The following ZFPM2 variants were observed in gnomAD, a reference collection of about 807,000 sequenced individuals.
ZFPM2 encodes zinc finger protein, FOG family member 2.
A neutral mutation model predicts 98.6 loss-of-function variants in ZFPM2; 20 were observed. That is an observed-to-expected ratio of 0.20 (90% CI 0.14 to 0.29). The LOEUF is 0.29. Ranked by LOEUF, ZFPM2 falls within the 10% of genes least tolerant of loss-of-function variation. The pLI is 1.00. For missense variants in ZFPM2, 1,310 were observed against 1,388.6 expected, an observed-to-expected ratio of 0.94 and a Z score of 0.90; for synonymous variants, 518 against 502.7, an observed-to-expected ratio of 1.03 and a Z score of -0.41.
intron 5 of ZFPM2, among the ~76,000 whole-genome samples, chr8:105,703,778 A>G (rs575093557): frequency 7.2e-5 from 11 of 152,288 alleles, no homozygotes; most frequent in African/African-American, 2.4e-4. Flanking sequence ...TAGGAACACT[A>G]TCTTCATTGT....
At chr8:105,410,276 T>C (rs1183379864) in intron 1 of ZFPM2, among the ~76,000 whole-genome samples, 3 of 151,960 alleles carry the variant, frequency 2.0e-5, no homozygotes, top group Non-Finnish European at 4.4e-5. Context: ...TTCATTCATG[T>C]AACTGTATTG....
chr8:105,511,287 G>C (rs1222021091), intron 3 of ZFPM2, among the ~76,000 whole-genome samples: 1 of 152,210 alleles, frequency 6.6e-6, no homozygotes, highest in African/African-American at 2.4e-5. Context: ...TCTTCTCCCA[G>C]GAAAGATTCC....
At chr8:105,531,145 G>A (rs1470234263) in intron 3 of ZFPM2, among the ~76,000 whole-genome samples, 1 of 152,144 alleles carries the variant, frequency 6.6e-6, no homozygotes, top group Admixed American at 6.6e-5. Flanking sequence ...GAAGGTTGGT[G>A]AAGGATGTTA....
intron 3 of ZFPM2, among the ~76,000 whole-genome samples, chr8:105,540,748 C>G (rs895171522): frequency 6.6e-6 from 1 of 152,078 alleles, no homozygotes; most frequent in Non-Finnish European, 1.5e-5. Flanking sequence ...TGTCTCTCTT[C>G]TGTAGTTCTT....
chr8:105,671,344 A>C (rs1306065296), intron 5 of ZFPM2, among the ~76,000 whole-genome samples: 3 of 151,838 alleles, frequency 2.0e-5, no homozygotes, highest in Admixed American at 2.0e-4. Flanking sequence ...TTAAATAAAA[A>C]AATTAATTTT....
chr8:105,410,092 A>C (rs566692750), intron 1 of ZFPM2, among the ~76,000 whole-genome samples: 82 of 152,046 alleles, frequency 5.4e-4, no homozygotes, highest in African/African-American at 1.9e-3. Flanking sequence ...ATTATAAAAG[A>C]GAAATTGACC....
At chr8:105,712,198 G>A (rs143343988) in intron 5 of ZFPM2, among the ~76,000 whole-genome samples, 122 of 150,976 alleles carry the variant, frequency 8.1e-4, no homozygotes, top group African/African-American at 2.8e-3. Context: ...AAAGAGAGGA[G>A]AAGAAAGAAC....
At chr8:105,721,024 A>C (rs187523223) in intron 5 of ZFPM2, among the ~76,000 whole-genome samples, 4 of 151,986 alleles carry the variant, frequency 2.6e-5, no homozygotes, top group African/African-American at 9.6e-5. Context: ...CTAGAAAATC[A>C]TTCCTTTTTA....
At chr8:105,416,663 T>A (rs1811685285) in intron 1 of ZFPM2, among the ~76,000 whole-genome samples, 1 of 151,908 alleles carries the variant, frequency 6.6e-6, no homozygotes, top group African/African-American at 2.4e-5. Context: ...TAACTGCTAT[T>A]AAAAGCTACT....
At chr8:105,422,006 C>T (rs1349582768) in intron 2 of ZFPM2, among the ~76,000 whole-genome samples, 1 of 138,436 alleles carries the variant, frequency 7.2e-6, no homozygotes, top group Non-Finnish European at 1.5e-5. Context: ...GAGATCGCAC[C>T]ACCGCACTCT....
At chr8:105,659,923 G>T (rs1421239576) in intron 5 of ZFPM2, among the ~76,000 whole-genome samples, 1 of 152,028 alleles carries the variant, frequency 6.6e-6, no homozygotes, top group East Asian at 1.9e-4. Flanking sequence ...TCTTCATAAA[G>T]GTTAAGTAAC....
At chr8:105,625,065 T>G (rs1303493554) in intron 4 of ZFPM2, among the ~76,000 whole-genome samples, 2 of 152,178 alleles carry the variant, frequency 1.3e-5, no homozygotes, top group Non-Finnish European at 2.9e-5. Flanking sequence ...AAACTCTAAT[T>G]TAATGAAATC....
At chr8:105,653,741 T>C (rs180750011) in intron 5 of ZFPM2, among the ~76,000 whole-genome samples, 44 of 152,224 alleles carry the variant, frequency 2.9e-4, no homozygotes, top group Middle Eastern at 3.4e-3. Context: ...TGTGAATTTA[T>C]TTGCATGTTA....
At chr8:105,577,005 C>T (rs1586474463) in intron 4 of ZFPM2, among the ~76,000 whole-genome samples, 1 of 151,744 alleles carries the variant, frequency 6.6e-6, no homozygotes. Context: ...ATAATCATTT[C>T]CCTTATTTCA....
chr8:105,440,005 CAAG>C (rs751843546), intron 2 of ZFPM2, among the ~76,000 whole-genome samples: 1 of 152,080 alleles, frequency 6.6e-6, no homozygotes, highest in Non-Finnish European at 1.5e-5. Flanking sequence ...TAGTGGCACT[CAAG>C]AAGATTAAGA....
At chr8:105,641,394 A>C (rs1468683249) in intron 5 of ZFPM2, among the ~76,000 whole-genome samples, 1 of 152,030 alleles carries the variant, frequency 6.6e-6, no homozygotes, top group South Asian at 2.1e-4. Context: ...GTTACGTTCT[A>C]TTAATATTTT....
intron 3 of ZFPM2, among the ~76,000 whole-genome samples, chr8:105,458,472 T>G (rs999250973): frequency 1.2e-4 from 19 of 152,076 alleles, no homozygotes; most frequent in African/African-American, 4.6e-4. Context: ...TATTAATCAA[T>G]GAAGATTGTT....
At chr8:105,742,092 G>T (rs1444946120) in intron 5 of ZFPM2, among the ~76,000 whole-genome samples, 2 of 151,668 alleles carry the variant, frequency 1.3e-5, no homozygotes, top group Non-Finnish European at 2.9e-5. Flanking sequence ...CCAGCACTTT[G>T]GGAGGCCAAG....
chr8:105,477,237 CTTTTTTTT>C, intron 3 of ZFPM2, among the ~76,000 whole-genome samples: 1 of 74,490 alleles, frequency 1.3e-5, no homozygotes, highest in East Asian at 5.1e-4. Context: ...TGCTAGCAAT[CTTTTTTTT>C]TTTTTTTTTT....
Sources: gnomAD v4.1 joint callset for allele counts (sites outside exome capture counted in the v4.1 genomes callset) on GRCh38, gnomAD v4.1.1 for gene constraint, MANE v1.5 for transcripts, NCBI Gene and HGNC (gene_info 2026-07-23, HGNC 2026-07-21) for gene names.